Variants in GPR149 observed in about 807,000 individuals in gnomAD.
The protein encoded by GPR149 is G protein-coupled receptor 149.
Under a neutral mutation model 50.2 loss-of-function variants are expected in GPR149, and 50 were observed. The ratio of observed to expected loss-of-function variants is 1.00; its 90% CI spans 0.79 to 1.26. GPR149 has a LOEUF of 1.26. GPR149 is among the 50% of genes most tolerant of loss of function. The pLI is 0.00. For synonymous variants in GPR149, 405 were observed against 358.2 expected (o/e 1.13, Z -1.48); for missense variants, 983 against 895.4 (o/e 1.10, Z -1.25).
chr3:154,338,342 T>A, intron 3 of GPR149, 71 bp from the exon 4 acceptor site: 1 of 1,219,332 alleles, frequency 8.2e-7, no homozygotes, highest in Non-Finnish European at 1.1e-6. Context: ...AAATTCATTT[T>A]GTTCATCAGA....
chr3:154,380,523 A>T (rs1443904480), intron 3 of GPR149, among the ~76,000 whole-genome samples: 1 of 152,160 alleles, frequency 6.6e-6, no homozygotes, highest in Non-Finnish European at 1.5e-5. Flanking sequence ...CATTTATATG[A>T]TTGCACTAAA....
chr3:154,385,863 AG>A (rs1206577866), intron 3 of GPR149, among the ~76,000 whole-genome samples: 1 of 151,776 alleles, frequency 6.6e-6, no homozygotes, highest in African/African-American at 2.4e-5. Context: ...CACCACGCCC[AG>A]CTATTTTTTG....
chr3:154,387,123 C>T (rs16823959), intron 3 of GPR149, among the ~76,000 whole-genome samples: 12,925 of 152,168 alleles, frequency 0.085, 711 homozygotes, highest in East Asian at 0.22. Flanking sequence ...AAAAGAAATG[C>T]GAAAAGTTCC....
intron 3 of GPR149, among the ~76,000 whole-genome samples, chr3:154,348,647 C>T (rs1414457889): frequency 6.6e-6 from 1 of 152,056 alleles, no homozygotes; most frequent in Non-Finnish European, 1.5e-5. Context: ...GTCAAATTTA[C>T]AAATACTGTT....
intron 3 of GPR149, among the ~76,000 whole-genome samples, chr3:154,361,627 G>C (rs1289717494): frequency 1.3e-5 from 2 of 152,144 alleles, no homozygotes; most frequent in Non-Finnish European, 2.9e-5. Flanking sequence ...TTTTGGACCA[G>C]TACGGGGTGC....
chr3:154,409,205 G>A (rs1371129871), intron 3 of GPR149, among the ~76,000 whole-genome samples: 2 of 152,174 alleles, frequency 1.3e-5, no homozygotes, highest in Non-Finnish European at 2.9e-5. Context: ...GGATCATCCC[G>A]TGGGACAAAA....
At chr3:154,353,119 C>A (rs1239080406) in intron 3 of GPR149, 7 of 1,490,012 alleles carry the variant, frequency 4.7e-6, no homozygotes, top group Non-Finnish European at 6.6e-6. Context: ...GGATTCATGG[C>A]CATTTCAGTT....
chr3:154,360,516 T>C (rs1390081366), intron 3 of GPR149, among the ~76,000 whole-genome samples: 1 of 152,184 alleles, frequency 6.6e-6, no homozygotes, highest in Non-Finnish European at 1.5e-5. Context: ...AACATTGAGA[T>C]GCACAGATGT....
At chr3:154,385,046 T>C (rs940490624) in intron 3 of GPR149, among the ~76,000 whole-genome samples, 12 of 152,220 alleles carry the variant, frequency 7.9e-5, no homozygotes, top group Admixed American at 3.3e-4. Flanking sequence ...GCTTCAGAAA[T>C]ACTATTTCTC....
intron 3 of GPR149, among the ~76,000 whole-genome samples, chr3:154,416,855 T>G (rs529619811): frequency 2.0e-5 from 3 of 152,078 alleles, no homozygotes; most frequent in African/African-American, 7.2e-5. Flanking sequence ...ATGGAGGACC[T>G]TGCACCTTAC....
chr3:154,362,016 T>G (rs1714417755), intron 3 of GPR149, among the ~76,000 whole-genome samples: 1 of 152,160 alleles, frequency 6.6e-6, no homozygotes, highest in African/African-American at 2.4e-5. Flanking sequence ...TTTTCATATA[T>G]AGCCAGATCT....
chr3:154,429,924 TAAACA>T lies in GPR149; in HGVS notation c.-314_-310del, dbSNP rs895130917. On this transcript the variant is annotated 5_prime_UTR_variant, in exon 1 of 4. An upstream open reading frame in the 5' UTR gains an earlier in-frame stop. Coordinates refer to ENST00000389740, the MANE Select transcript of GPR149 (RefSeq NM_001038705.3). ...GTTTCAGGGAAGAAAGCCAAAAAAA[TAAACA>T]AAACAAAACTCTTCAGGTACATTAA... Among the ~76,000 whole-genome samples, 1 of 150,868 alleles carries T rather than the reference TAAACA, an allele frequency of 6.6e-6. No individual in the cohort carries two copies. Among genetic ancestry groups the T allele is most frequent in the African/African-American group, 2.4e-5 (1 of 41,000 alleles).
chr3:154,411,093 A>G (rs1394761926), intron 3 of GPR149, among the ~76,000 whole-genome samples: 1 of 152,166 alleles, frequency 6.6e-6, no homozygotes, highest in African/African-American at 2.4e-5. Context: ...CTGAATGACT[A>G]TTGGGTCAAA....
intron 3 of GPR149, among the ~76,000 whole-genome samples, chr3:154,381,611 T>C (rs1037391818): frequency 5.3e-5 from 8 of 152,166 alleles, no homozygotes; most frequent in African/African-American, 1.9e-4. Flanking sequence ...AAATCTCTAA[T>C]TGGTTTAAGA....
At chr3:154,345,846 C>T (rs1713914234) in intron 3 of GPR149, among the ~76,000 whole-genome samples, 1 of 152,094 alleles carries the variant, frequency 6.6e-6, no homozygotes. Flanking sequence ...TTATCAGAAA[C>T]CATGGCATTT....
rs768010099 is a variant in GPR149, at chr3:154,404,867, T to TCAGCAG, written c.1623+16171_1623+16172insCTGCTG. On this transcript the variant is annotated intron_variant, in intron 3 of 3. Coordinates refer to ENST00000389740, the MANE Select transcript of GPR149 (RefSeq NM_001038705.3). ...CAATAAATACTAGCTATCATCATCA[T>TCAGCAG]CATCATCAGCAGCAGCAGCAGAAAT... Among the ~76,000 whole-genome samples the TCAGCAG allele has an allele frequency of 2.8e-3, 186 of 66,114 alleles. 1 individual carries two copies. The highest frequency in any genetic ancestry group is 0.024 in the Admixed American group (93 of 3,902). 43.4% of individuals were successfully genotyped at this position (66,114 alleles called of 152,430 possible).
At chr3:154,387,784 G>A (rs1051911537) in intron 3 of GPR149, among the ~76,000 whole-genome samples, 1 of 152,030 alleles carries the variant, frequency 6.6e-6, no homozygotes, top group Non-Finnish European at 1.5e-5. Context: ...ACTCTCCAGA[G>A]TGCTAAAAAA....
chr3:154,357,421 G>A (rs1273105574), intron 3 of GPR149, among the ~76,000 whole-genome samples: 10 of 151,894 alleles, frequency 6.6e-5, no homozygotes, highest in Middle Eastern at 3.4e-3. Flanking sequence ...GAAAATTTTC[G>A]CAACCTACTC....
intron 3 of GPR149, among the ~76,000 whole-genome samples, chr3:154,367,336 T>G (rs1449934341): frequency 5.6e-5 from 2 of 35,460 alleles, no homozygotes; most frequent in Non-Finnish European, 5.5e-5. Flanking sequence ...CTCTCTCCCT[T>G]CCCCCCCCCG....
Sources: gnomAD v4.1 joint callset for allele counts (sites outside exome capture counted in the v4.1 genomes callset) on GRCh38, gnomAD v4.1.1 for gene constraint, MANE v1.5 for transcripts, NCBI Gene and HGNC (gene_info 2026-07-23, HGNC 2026-07-21) for gene names.